PTPRG: variants seen among roughly 807,000 people sequenced by gnomAD.
PTPRG encodes the protein receptor-type tyrosine-protein phosphatase gamma.
Under a neutral mutation model 165.3 loss-of-function variants are expected in PTPRG, and 102 were observed. That is an observed-to-expected ratio of 0.62 (90% confidence interval 0.53 to 0.73). The LOEUF is 0.73. PTPRG is among the 30% of genes least tolerant of loss of function. The pLI is 0.00. For synonymous variants in PTPRG, 675 were observed against 669.5 expected, an observed-to-expected ratio of 1.01 and a Z score of -0.13; for missense variants, 1,866 against 1,861.4, an observed-to-expected ratio of 1.00 and a Z score of -0.05.
intron 1 of PTPRG, among the ~76,000 whole-genome samples, chr3:61,601,887 T>TAAAGTTA (rs1456262944): frequency 1.3e-5 from 2 of 152,012 alleles, no homozygotes; most frequent in Non-Finnish European, 2.9e-5. Flanking sequence ...GTGAAGGAGG[T>TAAAGTTA]AAAGTTAAAA....
chr3:61,871,166 TTATGTTATGTTATGTTA>T (rs2037566965), intron 2 of PTPRG, among the ~76,000 whole-genome samples: 1 of 46,930 alleles, frequency 2.1e-5, no homozygotes, highest in Non-Finnish European at 5.1e-5. Context: ...TTGTGTTGTG[TTATGTTATGTTATGTTA>T]TGTTATGTTA....
intron 1 of PTPRG, among the ~76,000 whole-genome samples, chr3:61,607,139 C>A (rs1559521584): frequency 6.6e-6 from 1 of 152,106 alleles, no homozygotes. Context: ...TTAGAGTGAC[C>A]AGCACATCCT....
At chr3:62,022,369 G>A (rs904762294) in intron 4 of PTPRG, among the ~76,000 whole-genome samples, 1 of 152,154 alleles carries the variant, frequency 6.6e-6, no homozygotes. Flanking sequence ...TTTGGTGCTA[G>A]GACTTGGCAG....
intron 8 of PTPRG, among the ~76,000 whole-genome samples, chr3:62,174,780 A>G (rs1486712209): frequency 6.6e-6 from 1 of 152,224 alleles, no homozygotes; most frequent in Non-Finnish European, 1.5e-5. Flanking sequence ...TTATTAAAAG[A>G]AGCTCTGATA....
At chr3:61,657,775 C>T (rs1479773648) in intron 1 of PTPRG, among the ~76,000 whole-genome samples, 1 of 152,168 alleles carries the variant, frequency 6.6e-6, no homozygotes, top group Non-Finnish European at 1.5e-5. Context: ...ATTTAGAGTT[C>T]CCACGCTTAA....
At chr3:61,615,482 T>C (rs1467939277) in intron 1 of PTPRG, among the ~76,000 whole-genome samples, 5 of 152,234 alleles carry the variant, frequency 3.3e-5, no homozygotes, top group African/African-American at 1.2e-4. Flanking sequence ...TCAGGTGATT[T>C]GATTTGTCCC....
intron 16 of PTPRG, among the ~76,000 whole-genome samples, chr3:62,259,770 A>T (rs1701637889): frequency 6.6e-6 from 1 of 152,206 alleles, no homozygotes; most frequent in African/African-American, 2.4e-5. Context: ...AAATGCAGTC[A>T]TTTTGATAAA....
intron 2 of PTPRG, among the ~76,000 whole-genome samples, chr3:61,846,505 C>G (rs1021336373): frequency 2.0e-5 from 3 of 152,182 alleles, no homozygotes; most frequent in Admixed American, 1.3e-4. Context: ...CCTTATTTAC[C>G]TTCTCTGAAC....
intron 2 of PTPRG, among the ~76,000 whole-genome samples, chr3:61,883,434 A>G (rs1450496507): frequency 6.6e-6 from 1 of 152,128 alleles, no homozygotes; most frequent in African/African-American, 2.4e-5. Flanking sequence ...TTCCAGGAGG[A>G]ATAACTTCTC....
chr3:61,598,255 T>C (rs1559518059), intron 1 of PTPRG, among the ~76,000 whole-genome samples: 1 of 152,190 alleles, frequency 6.6e-6, no homozygotes, highest in Non-Finnish European at 1.5e-5. Flanking sequence ...GCTAGGAATG[T>C]TGATGAATGG....
At chr3:61,674,459 C>T (rs1703148383) in intron 1 of PTPRG, among the ~76,000 whole-genome samples, 1 of 129,538 alleles carries the variant, frequency 7.7e-6, no homozygotes, top group Non-Finnish European at 1.6e-5. Context: ...TGCCCTCCAG[C>T]CTGGGCGATA....
chr3:61,808,454 T>A (rs1428007297), intron 2 of PTPRG, among the ~76,000 whole-genome samples: 1 of 152,188 alleles, frequency 6.6e-6, no homozygotes, highest in Non-Finnish European at 1.5e-5. Flanking sequence ...AAATCATATG[T>A]AGGTGGGCTC....
At chr3:62,231,849 C>A (rs1158503832) in intron 14 of PTPRG, among the ~76,000 whole-genome samples, 1 of 151,236 alleles carries the variant, frequency 6.6e-6, no homozygotes. Context: ...AAAGGAAATG[C>A]ATATGAGTTC....
At chr3:61,619,049 C>T (rs1192830639) in intron 1 of PTPRG, among the ~76,000 whole-genome samples, 3 of 150,772 alleles carry the variant, frequency 2.0e-5, no homozygotes, top group Non-Finnish European at 2.9e-5. Context: ...CCCAGCTACT[C>T]GGGAGGCTGA....
chr3:61,576,186 TTTTG>T (rs954645790), intron 1 of PTPRG, among the ~76,000 whole-genome samples: 9 of 152,230 alleles, frequency 5.9e-5, no homozygotes, highest in East Asian at 5.8e-4. Context: ...GGAAGAGGTT[TTTTG>T]TTTGTTTGTT....
At chr3:61,849,776 G>A (rs1229813498) in intron 2 of PTPRG, among the ~76,000 whole-genome samples, 3 of 152,184 alleles carry the variant, frequency 2.0e-5, no homozygotes, top group Non-Finnish European at 2.9e-5. Context: ...TAGCAGGTCC[G>A]GAAGGACTGG....
chr3:62,288,007 T>C (rs1702733883), intron 28 of PTPRG, among the ~76,000 whole-genome samples: 1 of 152,106 alleles, frequency 6.6e-6, no homozygotes, highest in Admixed American at 6.6e-5. Context: ...CTGAAATCCT[T>C]ACATCTAGGA....
chr3:61,887,467 G>T (rs1037876101), intron 2 of PTPRG, among the ~76,000 whole-genome samples: 1 of 152,050 alleles, frequency 6.6e-6, no homozygotes, highest in African/African-American at 2.4e-5. Flanking sequence ...GTCTTGAAGT[G>T]TATTCAGATT....
At chr3:62,249,796 A>T (rs1386267358) in intron 15 of PTPRG, among the ~76,000 whole-genome samples, 4 of 152,206 alleles carry the variant, frequency 2.6e-5, no homozygotes, top group Non-Finnish European at 5.9e-5. Context: ...CTCAAAGCCA[A>T]AGAATATCAT....
Sources: allele counts gnomAD v4.1 joint callset (sites outside exome capture counted in the v4.1 genomes callset), GRCh38; gene constraint gnomAD v4.1.1; transcripts MANE v1.5; gene names NCBI Gene and HGNC (gene_info 2026-07-23, HGNC 2026-07-21).